The following APBA2 variants were observed in gnomAD, a reference collection of about 807,000 sequenced individuals.
APBA2 encodes amyloid beta precursor protein binding family A member 2, also known as amyloid-beta A4 precursor protein-binding family A member 2.
In APBA2, 30 loss-of-function variants were observed where a neutral mutation model predicts 75.0. The observed-to-expected ratio is 0.40, with a 90% CI of 0.30 to 0.54. APBA2 has a LOEUF of 0.54. Ranked by LOEUF, APBA2 falls within the 20% of genes least tolerant of loss-of-function variation. APBA2 has a pLI of 0.49. For synonymous variants in APBA2, 444 were observed against 409.6 expected, an observed-to-expected ratio of 1.08 and a Z score of -1.01; for missense variants, 801 against 1,016.1, an observed-to-expected ratio of 0.79 and a Z score of 2.88.
chr15:29,019,125 G>T lies in APBA2; in HGVS notation c.-41+23319G>T, dbSNP rs751210839. On this transcript the variant is annotated intron_variant, in intron 3 of 14. Transcript: ENST00000683413. The stretch of plus-strand genomic sequence containing the variant: ...AGGGAAAAAAGTAAGCAGAGGACAG[G>T]TCATGCTGCAGGCCGGCCCCTCACC... 5.9e-5 allele frequency among the ~76,000 whole-genome samples: 9 copies of T among 152,304 alleles called. No individual in the cohort carries two copies. The South Asian group carries it at 1.9e-3, about 32-fold the overall frequency.
intron 2 of APBA2, among the ~76,000 whole-genome samples, chr15:28,927,992 A>G (rs1197490430): frequency 2.6e-5 from 4 of 151,350 alleles, no homozygotes; most frequent in Non-Finnish European, 4.4e-5. Context: ...TAAAAATACA[A>G]AATTAGCCAG....
At chr15:28,935,589 C>T (rs1194490227) in intron 2 of APBA2, among the ~76,000 whole-genome samples, 2 of 152,164 alleles carry the variant, frequency 1.3e-5, no homozygotes, top group Non-Finnish European at 2.9e-5. Flanking sequence ...TTGCAGCGCC[C>T]AGCCTAGCAG....
At chr15:29,093,306 C>T (rs954022288) in intron 7 of APBA2, 86 bp downstream of exon 7, 1 of 1,550,720 alleles carries the variant, frequency 6.4e-7, no homozygotes, top group African/African-American at 1.4e-5. Flanking sequence ...CGTAGGCCCT[C>T]TTCCAGCTCG....
chr15:28,923,850 A>C (rs1395367627), intron 2 of APBA2, among the ~76,000 whole-genome samples: 1 of 152,148 alleles, frequency 6.6e-6, no homozygotes, highest in Non-Finnish European at 1.5e-5. Flanking sequence ...GAGGCTGGGC[A>C]TGAAAAGGCT....
At chr15:29,058,678 G>A (rs1436454957) in intron 4 of APBA2, among the ~76,000 whole-genome samples, 1 of 151,830 alleles carries the variant, frequency 6.6e-6, no homozygotes, top group African/African-American at 2.4e-5. Context: ...GTCTGCCCGG[G>A]GGCTGGGATA....
intron 3 of APBA2, 96 bp from the exon 4 acceptor site, chr15:29,053,749 G>A: frequency 1.4e-6 from 1 of 727,950 alleles, no homozygotes; most frequent in Non-Finnish European, 2.3e-6. Flanking sequence ...ATGGCTGCGG[G>A]AGGACGTGGT....
At chr15:28,954,071 A>G (rs78939692) in intron 2 of APBA2, among the ~76,000 whole-genome samples, 4,640 of 152,128 alleles carry the variant, frequency 0.031, 250 homozygotes, top group African/African-American at 0.11. Flanking sequence ...GCTTCCGGAC[A>G]CCTAGACCAT....
intron 4 of APBA2, among the ~76,000 whole-genome samples, chr15:29,072,798 CAG>C (rs2042683231): frequency 6.6e-6 from 1 of 152,076 alleles, no homozygotes; most frequent in African/African-American, 2.4e-5. Context: ...CTGTGGGGCT[CAG>C]GGGTAGGGGC....
chr15:29,089,653 C>T (rs1374504662), intron 6 of APBA2, among the ~76,000 whole-genome samples: 1 of 152,192 alleles, frequency 6.6e-6, no homozygotes, highest in Non-Finnish European at 1.5e-5. Flanking sequence ...CTCCCCTCCC[C>T]TTCCCTCTCC....
At chr15:29,017,585 G>C (rs2039738403) in intron 3 of APBA2, among the ~76,000 whole-genome samples, 1 of 151,884 alleles carries the variant, frequency 6.6e-6, no homozygotes, top group South Asian at 2.1e-4. Context: ...TGGCCAGGCT[G>C]GTCTTGAACT....
intron 1 of APBA2, among the ~76,000 whole-genome samples, chr15:28,912,820 T>G (rs978234126): frequency 2.0e-5 from 3 of 152,254 alleles, no homozygotes; most frequent in African/African-American, 2.4e-5. Context: ...TGCAGATACC[T>G]TGAGTACCTT....
intron 2 of APBA2, among the ~76,000 whole-genome samples, chr15:28,985,991 G>A (rs566232387): frequency 1.3e-5 from 2 of 152,324 alleles, no homozygotes; most frequent in East Asian, 3.9e-4. Context: ...CCTGGGGGAT[G>A]TGGTGCCCTC....
chr15:28,914,600 G>A (rs1595446035), intron 1 of APBA2, among the ~76,000 whole-genome samples: 3 of 152,098 alleles, frequency 2.0e-5, no homozygotes, highest in African/African-American at 4.8e-5. Context: ...CTGCTGCCCC[G>A]CTCAGCTGCA....
At chr15:29,108,991 G>A (rs114096028) in intron 13 of APBA2, among the ~76,000 whole-genome samples, 1,925 of 152,282 alleles carry the variant, frequency 0.013, 38 homozygotes, top group African/African-American at 0.044. Flanking sequence ...GCATTTGACT[G>A]GCCTGAATTC....
At position 29,117,854 on chromosome 15, in the gene APBA2, C is replaced by G. The variant is rs1012025488; in HGVS notation, c.*721C>G. 1 of 152,224 alleles carries G rather than the reference C, an allele frequency of 6.6e-6. No individual in the cohort carries two copies. The highest frequency in any genetic ancestry group is 2.4e-5 in the African/African-American group (1 of 41,418). 9.4% of individuals were successfully genotyped at this position (152,224 alleles called of 1,614,324 possible). A position where few individuals can be genotyped will look rare whatever the true frequency, so the allele number is the denominator to read the frequency against. On this transcript the variant is annotated 3_prime_UTR_variant, in exon 15 of 15. Transcript: ENST00000683413. ...TCGTCTCTTCTGGGCACCCTCCCAC[C>G]CGGCTGCATACCCGGGCAGGGCTCC...
At chr15:29,116,563 GCTTGCAGT>G (rs1567038827) in intron 14 of APBA2, among the ~76,000 whole-genome samples, 2 of 151,284 alleles carry the variant, frequency 1.3e-5, no homozygotes, top group Non-Finnish European at 2.9e-5. Context: ...GGGGGGCAGA[GCTTGCAGT>G]GAGCCGAGAT....
chr15:29,101,865 C>T lies in APBA2; in HGVS notation c.1524+81C>T, dbSNP rs112585899. 4.9e-5 allele frequency: 70 copies of T among 1,419,730 alleles called. 1 individual carries two copies. The African/African-American group carries it at 5.7e-4, about 11-fold the overall frequency. The allele number at this position is 1,419,730 out of a possible 1,614,324, so 87.9% of individuals were successfully genotyped here. Reference sequence around the variant, plus strand: ...TCCAGGATCCAGGCGCTGTGGAAACCACCCTCAGGTGGAAAGCCTCCATGC... The same window carrying T: ...TCCAGGATCCAGGCGCTGTGGAAACTACCCTCAGGTGGAAAGCCTCCATGC... On this transcript the variant is annotated intron_variant, in intron 10 of 14. Transcript: ENST00000683413.
chr15:29,108,118 G>C, intron 12 of APBA2, 152 bp from the exon 13 acceptor site: 1 of 1,133,130 alleles, frequency 8.8e-7, no homozygotes. Flanking sequence ...CCGCTGCACA[G>C]AGGGGCTACC....
intron 2 of APBA2, among the ~76,000 whole-genome samples, chr15:28,949,840 A>AG (rs1667121741): frequency 6.6e-6 from 1 of 152,216 alleles, no homozygotes; most frequent in Non-Finnish European, 1.5e-5. Context: ...AAGACTGCAG[A>AG]GAATTCCCAT....
Sources: gnomAD v4.1 joint callset for allele counts (sites outside exome capture counted in the v4.1 genomes callset) on GRCh38, gnomAD v4.1.1 for gene constraint, MANE v1.5 for transcripts, NCBI Gene and HGNC (gene_info 2026-07-23, HGNC 2026-07-21) for gene names.